The following CTNND2 variants were observed in gnomAD, a reference collection of about 807,000 sequenced individuals.
CTNND2 encodes catenin delta 2, also known as catenin delta-2.
Under a neutral mutation model 144.4 loss-of-function variants are expected in CTNND2, and 22 were observed. The observed-to-expected ratio is 0.15, with a 90% confidence interval of 0.11 to 0.22. CTNND2 has a LOEUF of 0.22. CTNND2 is among the 10% of genes least tolerant of loss of function. CTNND2 has a pLI of 1.00. For synonymous variants in CTNND2, 751 were observed against 695.6 expected (o/e 1.08, Z -1.25); for missense variants, 1,353 against 1,618.8 (o/e 0.84, Z 2.82).
Position 10,993,648 on chromosome 5 carries a change from G to C in CTNND2, c.3085-971C>G, listed in dbSNP as rs1738959503. ...AGACTTTTAAGGGGCTCAATGCTTTGTTCTCTTGGGATTGTTCAGAGAATC... is the reference window on the plus strand; with the variant it reads ...AGACTTTTAAGGGGCTCAATGCTTTCTTCTCTTGGGATTGTTCAGAGAATC... On this transcript the variant is annotated intron_variant, in intron 18 of 21. Transcript: ENST00000304623. 2.0e-5 allele frequency among the ~76,000 whole-genome samples: 3 copies of C among 151,934 alleles called. No homozygotes were observed. The South Asian group carries it at 6.2e-4, about 32-fold the overall frequency.
chr5:11,664,665 T>C (rs1783456316), intron 2 of CTNND2, among the ~76,000 whole-genome samples: 1 of 152,150 alleles, frequency 6.6e-6, no homozygotes, highest in African/African-American at 2.4e-5. Context: ...GAAAAAACAT[T>C]TGCTCATTTC....
intron 9 of CTNND2, among the ~76,000 whole-genome samples, chr5:11,311,649 G>T (rs1420815171): frequency 2.0e-5 from 2 of 99,002 alleles, no homozygotes; most frequent in African/African-American, 4.0e-5. Context: ...TCACACTCCC[G>T]ATATACCCTC....
intron 6 of CTNND2, among the ~76,000 whole-genome samples, chr5:11,392,052 G>A (rs154752): frequency 6.6e-6 from 1 of 152,006 alleles, no homozygotes; most frequent in Admixed American, 6.5e-5. Flanking sequence ...AAATTATGGA[G>A]GAGGGGGAGA....
At chr5:11,325,425 C>T (rs1053226158) in intron 9 of CTNND2, among the ~76,000 whole-genome samples, 1 of 150,946 alleles carries the variant, frequency 6.6e-6, no homozygotes, top group African/African-American at 2.5e-5. Context: ...TTATAATATA[C>T]AATTATTAAA....
intron 3 of CTNND2, among the ~76,000 whole-genome samples, chr5:11,474,858 G>A (rs1459878601): frequency 3.3e-5 from 5 of 151,956 alleles, no homozygotes; most frequent in Admixed American, 6.6e-5. Context: ...TACCTTCCAT[G>A]GTACCCTTGA....
At chr5:11,700,992 G>C (rs1187802212) in intron 2 of CTNND2, among the ~76,000 whole-genome samples, 1 of 152,168 alleles carries the variant, frequency 6.6e-6, no homozygotes, top group African/African-American at 2.4e-5. Context: ...AGTAGCATCA[G>C]ACATAATCAA....
intron 1 of CTNND2, among the ~76,000 whole-genome samples, chr5:11,860,056 T>TAAC (rs1284100509): frequency 6.6e-6 from 1 of 152,222 alleles, no homozygotes; most frequent in African/African-American, 2.4e-5. Context: ...TCATTCATCA[T>TAAC]AACAACTGTG....
Position 10,978,502 on chromosome 5 carries a change from G to A in CTNND2, c.3417+3271C>T, listed in dbSNP as rs558050603. Among the ~76,000 whole-genome samples, 23 of 79,448 alleles carry A rather than the reference G, an allele frequency of 2.9e-4. No homozygotes were observed. In the South Asian group the frequency reaches 6.3e-3, roughly 22 times the overall value. 52.1% of individuals were successfully genotyped at this position (79,448 alleles called of 152,430 possible). A position where few individuals can be genotyped will look rare whatever the true frequency, so the allele number is the denominator to read the frequency against. On this transcript the variant is annotated intron_variant, in intron 21 of 21. Coordinates refer to ENST00000304623, the MANE Select transcript of CTNND2 (RefSeq NM_001332.4). ...CTCCTTGGAAATACTTTTTGGGGAG[G>A]GGGGGGAACCCTCTCTTTGGTGGAC...
At chr5:11,139,272 T>C (rs1193418580) in intron 12 of CTNND2, among the ~76,000 whole-genome samples, 1 of 152,238 alleles carries the variant, frequency 6.6e-6, no homozygotes, top group Non-Finnish European at 1.5e-5. Context: ...GAAACCATTT[T>C]TGATCTGGAA....
chr5:11,667,100 T>C (rs1581692881), intron 2 of CTNND2, among the ~76,000 whole-genome samples: 1 of 152,282 alleles, frequency 6.6e-6, no homozygotes, highest in East Asian at 1.9e-4. Flanking sequence ...CATGAAATCA[T>C]CCTTTTTATG....
chr5:11,369,660 G>A (rs1581034956), intron 7 of CTNND2, among the ~76,000 whole-genome samples: 1 of 152,228 alleles, frequency 6.6e-6, no homozygotes, highest in African/African-American at 2.4e-5. Flanking sequence ...AAACAGACAA[G>A]GTCCCTGGCT....
chr5:11,523,291 C>A (rs191005809), intron 3 of CTNND2, among the ~76,000 whole-genome samples: 187 of 152,100 alleles, frequency 1.2e-3, no homozygotes, highest in East Asian at 0.011. Context: ...TTTTAAGATT[C>A]TACAGTTTCT....
chr5:11,216,327 CT>C (rs1201750473), intron 10 of CTNND2, among the ~76,000 whole-genome samples: 1 of 152,192 alleles, frequency 6.6e-6, no homozygotes, highest in African/African-American at 2.4e-5. Context: ...GGAATGAAGG[CT>C]GCTAATTAGC....
intron 11 of CTNND2, among the ~76,000 whole-genome samples, chr5:11,186,639 C>T (rs557466214): frequency 1.2e-4 from 19 of 152,294 alleles, no homozygotes; most frequent in African/African-American, 4.3e-4. Context: ...ATTGTTGGTC[C>T]TGTTAAAGTA....
chr5:11,350,153 T>G (rs1755180871), intron 8 of CTNND2, among the ~76,000 whole-genome samples: 1 of 152,026 alleles, frequency 6.6e-6, no homozygotes, highest in African/African-American at 2.4e-5. Context: ...AAAAAAAAAT[T>G]TACACTGTTT....
intron 1 of CTNND2, among the ~76,000 whole-genome samples, chr5:11,805,901 C>T (rs1424666283): frequency 6.6e-6 from 1 of 152,096 alleles, no homozygotes; most frequent in Non-Finnish European, 1.5e-5. Context: ...ATGACAAACA[C>T]TGTCTCAGCT....
chr5:11,270,471 TA>T (rs34326518), intron 9 of CTNND2, among the ~76,000 whole-genome samples: 59,205 of 144,312 alleles, frequency 0.41, 11,745 homozygotes, highest in Non-Finnish European at 0.47. Flanking sequence ...AACAATGTGG[TA>T]AAAAAAAAAA....
intron 15 of CTNND2, among the ~76,000 whole-genome samples, chr5:11,096,823 G>GAA (rs1399664575): frequency 4.9e-4 from 74 of 152,108 alleles, no homozygotes; most frequent in Middle Eastern, 3.4e-3. Context: ...GAGAGAGAGA[G>GAA]AAACAACATC....
At chr5:11,354,908 CA>C (rs1483518630) in intron 8 of CTNND2, among the ~76,000 whole-genome samples, 1 of 152,022 alleles carries the variant, frequency 6.6e-6, no homozygotes, top group African/African-American at 2.4e-5. Context: ...TCTTTTCTGA[CA>C]AAAATGCTAT....
Sources: allele counts gnomAD v4.1 joint callset (sites outside exome capture counted in the v4.1 genomes callset), GRCh38; gene constraint gnomAD v4.1.1; transcripts MANE v1.5; gene names NCBI Gene and HGNC (gene_info 2026-07-23, HGNC 2026-07-21).